PCBP3: variants seen among roughly 807,000 people sequenced by gnomAD.
The protein encoded by PCBP3 is poly(rC)-binding protein 3.
Under a neutral mutation model 52.7 loss-of-function variants are expected in PCBP3, and 25 were observed. The observed-to-expected ratio is 0.47, with a 90% CI of 0.35 to 0.66. The LOEUF (loss-of-function observed/expected upper bound fraction) is 0.66, where lower values mean the gene tolerates loss of function less well. Among genes scored for constraint, PCBP3 ranks in the 30% least tolerant of loss-of-function variants. The pLI, the probability that PCBP3 is intolerant of heterozygous loss-of-function variation, is 0.01. For synonymous variants in PCBP3, 162 were observed against 183.0 expected (o/e 0.89, Z 0.93); for missense variants, 391 against 490.3 (o/e 0.80, Z 1.91).
At chr21:45,941,596 C>A in intron 17 of PCBP3, 74 bp from the exon 18 acceptor site, 1 of 1,380,274 alleles carries the variant, frequency 7.2e-7, no homozygotes, top group Non-Finnish European at 1.0e-6. Context: ...CCACACAGCC[C>A]GGCCTCACGT....
chr21:45,824,502 C>G lies in PCBP3; in HGVS notation c.-125-25459C>G, dbSNP rs553526048. On this transcript the variant is annotated intron_variant, in intron 4 of 17. Transcript: ENST00000681687. ...CCTATGTCCTCTAAAGAGATTTCTC[C>G]CGTTGGGATTGCTTTATCCCCAGAG... Among the ~76,000 whole-genome samples the G allele has an allele frequency of 1.0e-3, 153 of 152,324 alleles. 1 individual carries two copies. The highest frequency in any genetic ancestry group is 3.4e-3 in the Middle Eastern group (1 of 294).
intron 4 of PCBP3, among the ~76,000 whole-genome samples, chr21:45,786,441 C>T (rs1363996503): frequency 6.6e-6 from 1 of 152,022 alleles, no homozygotes; most frequent in Non-Finnish European, 1.5e-5. Flanking sequence ...TAGGCGCCCA[C>T]CAATGTGCCT....
At chr21:45,657,796 T>A (rs1372420638) in intron 1 of PCBP3, among the ~76,000 whole-genome samples, 2 of 152,216 alleles carry the variant, frequency 1.3e-5, no homozygotes, top group African/African-American at 4.8e-5. Context: ...TTAGTAGCTA[T>A]AATAGTTTTT....
intron 6 of PCBP3, among the ~76,000 whole-genome samples, chr21:45,898,600 C>CT (rs1207544426): frequency 2.2e-4 from 19 of 87,908 alleles, no homozygotes; most frequent in East Asian, 1.0e-3. Context: ...CCTCCACGGG[C>CT]CCCTCTACAC....
At chr21:45,793,606 T>C (rs1220541518) in intron 4 of PCBP3, among the ~76,000 whole-genome samples, 1 of 152,036 alleles carries the variant, frequency 6.6e-6, no homozygotes, top group Admixed American at 6.5e-5. Context: ...GGGGAAAACA[T>C]GGCTGCCAGG....
chr21:45,864,698 G>A (rs1056335889), intron 5 of PCBP3, among the ~76,000 whole-genome samples: 1 of 152,126 alleles, frequency 6.6e-6, no homozygotes, highest in Non-Finnish European at 1.5e-5. Flanking sequence ...GAAATAGCTT[G>A]CCAGAGCCAA....
At position 45,669,803 on chromosome 21, in the gene PCBP3, GTGTATATATATATATATA is replaced by G. The variant is rs1179008007; in HGVS notation, c.-200+853_-200+870del. Among the ~76,000 whole-genome samples the G allele has an allele frequency of 8.5e-4, 46 of 54,398 alleles. 1 individual carries two copies. The highest frequency in any genetic ancestry group is 2.8e-3 in the Admixed American group (15 of 5,296). The allele number at this position is 54,398 out of a possible 152,430, so 35.7% of individuals were successfully genotyped here. On this transcript the variant is annotated intron_variant, in intron 2 of 17. Transcript: ENST00000681687. ...AATATTCCATTGTGTGTGTGTGTGTGTGTATATATATATATATATATATATATATATATATATATATAT... is the reference window on the plus strand; with the variant it reads ...AATATTCCATTGTGTGTGTGTGTGTGTATATATATATATATATATATATAT...
At chr21:45,940,866 C>T (rs2149615396) in intron 17 of PCBP3, among the ~76,000 whole-genome samples, 1 of 152,298 alleles carries the variant, frequency 6.6e-6, no homozygotes, top group South Asian at 2.1e-4. Flanking sequence ...GAACATCCGT[C>T]CTCTCTCCCC....
rs2077489858 is a variant in PCBP3, at chr21:45,941,706, A to C, written c.1116A>C (p.Ter372TyrextTer35). 6.2e-7 allele frequency: 1 copy of C among 1,604,676 alleles called. No individual in the cohort carries two copies. The highest frequency in any genetic ancestry group is 8.5e-7 in the Non-Finnish European group (1 of 1,175,732). The stretch of plus-strand genomic sequence containing the variant: ...AGGTCACCGGGATGGGCACGCTGTA[A>C]TCCTACCCAGCACCCTTCCCCCGCG... ...TSEVTGMGTL[*>Y] The change falls in exon 18 of 18, where the codon TAA (stop) becomes TAC (tyrosine). Residue 372 changes from the stop codon to tyrosine (Y), a stop_lost. Coordinates refer to ENST00000681687, the MANE Select transcript of PCBP3 (RefSeq NM_001384156.1).
At position 45,817,935 on chromosome 21, in the gene PCBP3, G is replaced by A. The variant is rs997263796; in HGVS notation, c.-125-32026G>A. On this transcript the variant is annotated intron_variant, in intron 4 of 17. Coordinates refer to ENST00000681687, the MANE Select transcript of PCBP3 (RefSeq NM_001384156.1). The surrounding 1 kb of genome is among the most constrained non-coding windows in gnomAD (Gnocchi z 4.3). The stretch of plus-strand genomic sequence containing the variant: ...GAAAAATTATTGGAAAGTATAGAGC[G>A]TGCCACCTCCTCCCCTCATACAGAG... Among the ~76,000 whole-genome samples, 3 of 152,162 alleles carry A rather than the reference G, an allele frequency of 2.0e-5. No individual in the cohort carries two copies. Among genetic ancestry groups the A allele is most frequent in the African/African-American group, 4.8e-5 (2 of 41,432 alleles).
rs2073639155 is a variant in PCBP3, at chr21:45,917,360, T to G, written c.676-228T>G. 9.1e-5 allele frequency: 29 copies of G among 319,000 alleles called. No homozygotes were observed. The highest frequency in any genetic ancestry group is 1.2e-4 in the Non-Finnish European group (19 of 163,034). The allele number at this position is 319,000 out of a possible 1,614,324, so 19.8% of individuals were successfully genotyped here. ...GCTGAACTGTTTCCCTCCCACCCGCTGAACTGGCCAGCTCAGCTCTGCCCG... is the reference window on the plus strand; with the variant it reads ...GCTGAACTGTTTCCCTCCCACCCGCGGAACTGGCCAGCTCAGCTCTGCCCG... On this transcript the variant is annotated intron_variant, in intron 12 of 17. Transcript: ENST00000681687. This position sits in a 1 kb window ranked among gnomAD's most constrained non-coding sequence, Gnocchi z 5.3.
intron 2 of PCBP3, among the ~76,000 whole-genome samples, chr21:45,715,873 G>T (rs1440459566): frequency 2.6e-5 from 4 of 151,970 alleles, no homozygotes; most frequent in Non-Finnish European, 5.9e-5. Flanking sequence ...TTATATTCTG[G>T]ATACTAGTTC....
Position 45,767,750 on chromosome 21 carries a change from G to A in PCBP3, c.-126+12298G>A, listed in dbSNP as rs569226858. Among the ~76,000 whole-genome samples the A allele has an allele frequency of 1.5e-3, 235 of 152,336 alleles. 4 individuals are homozygous for A. Among genetic ancestry groups the A allele is most frequent in the Non-Finnish European group, 8.1e-4 (55 of 68,036 alleles). On this transcript the variant is annotated intron_variant, in intron 4 of 17. Coordinates refer to ENST00000681687, the MANE Select transcript of PCBP3 (RefSeq NM_001384156.1). The stretch of plus-strand genomic sequence containing the variant: ...TGAGGCAGCTCTGTGCTGGCCAGTC[G>A]GGAGGCCATGGCAGGGTCTCTGCTC...
intron 2 of PCBP3, among the ~76,000 whole-genome samples, chr21:45,679,821 T>C (rs1028528405): frequency 3.0e-4 from 45 of 152,256 alleles, no homozygotes; most frequent in Admixed American, 1.3e-4. Flanking sequence ...CTAAGTTTTA[T>C]AGTTTTACAT....
At chr21:45,909,256 G>A (rs2096279196) in intron 9 of PCBP3, 99 bp from the exon 10 acceptor site, 1 of 1,289,126 alleles carries the variant, frequency 7.8e-7, no homozygotes, top group South Asian at 1.3e-5. Flanking sequence ...GGGGCTCTGT[G>A]GGCTTCTGAG....
At chr21:45,723,951 T>G (rs1412880727) in intron 2 of PCBP3, among the ~76,000 whole-genome samples, 1 of 152,186 alleles carries the variant, frequency 6.6e-6, no homozygotes, top group African/African-American at 2.4e-5. Flanking sequence ...GGAATTAAGT[T>G]GAATCTTCCT....
intron 4 of PCBP3, among the ~76,000 whole-genome samples, chr21:45,777,015 T>C (rs1483619241): frequency 1.3e-5 from 2 of 152,210 alleles, no homozygotes; most frequent in African/African-American, 4.8e-5. Flanking sequence ...CACTGAGTTA[T>C]GTTTTCATGT....
rs1163300704 is a variant in PCBP3, at chr21:45,693,166, A to G, written c.-200+24214A>G. Among the ~76,000 whole-genome samples the G allele has an allele frequency of 2.0e-5, 3 of 152,138 alleles. No homozygotes were observed. The East Asian group carries it at 5.8e-4, about 29-fold the overall frequency. On this transcript the variant is annotated intron_variant, in intron 2 of 17. Coordinates refer to ENST00000681687, the MANE Select transcript of PCBP3 (RefSeq NM_001384156.1). ...GATAAAGGGCATCTATAAAAAACCT[A>G]CAGCTAACTTCATACTCAAAGGTGA... is the stretch of plus-strand genomic sequence containing the variant.
chr21:45,778,718 G>A (rs977232689), intron 4 of PCBP3, among the ~76,000 whole-genome samples: 1 of 152,196 alleles, frequency 6.6e-6, no homozygotes. Context: ...CTGGGACCCT[G>A]GGCTACATGC....
Sources: gnomAD v4.1 joint callset for allele counts (sites outside exome capture counted in the v4.1 genomes callset) on GRCh38, gnomAD v4.1.1 for gene constraint, Gnocchi (gnomAD v3.1) non-coding constraint, MANE v1.5 for transcripts, NCBI Gene and HGNC (gene_info 2026-07-23, HGNC 2026-07-21) for gene names.